Variants in NEK7 observed in about 807,000 individuals in gnomAD.
NEK7 encodes serine/threonine-protein kinase Nek7.
NEK7 carries 18 observed loss-of-function variants against 44.6 expected under a neutral mutation model. The ratio of observed to expected loss-of-function variants is 0.40; its 90% CI spans 0.28 to 0.60. The LOEUF is 0.60. Among genes scored for constraint, NEK7 ranks in the 20% least tolerant of loss-of-function variants. The pLI is 0.38. For missense variants in NEK7, 256 were observed against 366.5 expected (o/e 0.70, Z 2.46); for synonymous variants, 130 against 121.1 (o/e 1.07, Z -0.48).
intron 5 of NEK7, among the ~76,000 whole-genome samples, chr1:198,273,702 C>G (rs1653924918): frequency 6.6e-6 from 1 of 151,578 alleles, no homozygotes; most frequent in African/African-American, 2.4e-5. Context: ...ATTAAATGGA[C>G]CAATAGGGAT....
chr1:198,183,519 T>C (rs976527641), intron 1 of NEK7, among the ~76,000 whole-genome samples: 9 of 152,222 alleles, frequency 5.9e-5, no homozygotes, highest in Non-Finnish European at 1.0e-4. Context: ...TTATGCATGC[T>C]GACCCTCTAA....
chr1:198,279,053 A>G lies in NEK7; in HGVS notation c.581A>G (p.His194Arg). 6.3e-7 allele frequency: 1 copy of G among 1,595,308 alleles called. No homozygotes were observed. The highest frequency in any genetic ancestry group is 8.6e-7 in the Non-Finnish European group (1 of 1,163,600). ...TTCAGCTCAAAAACCACAGCTGCAC[A>G]TTCTTTAGGTAAGAGACACAATATA... ...RFFSSKTTAA[H>R]SLVGTPYYMS... Residue 194 changes from histidine (H) to arginine (R), a missense_variant, in exon 7 of 10, where the codon CAT (histidine) becomes CGT (arginine). Physicochemically the swap from His to Arg is conservative, Grantham distance 29. Transcript: ENST00000367385.
At position 198,293,058 on chromosome 1, in the gene NEK7, T is replaced by C; in HGVS notation, c.684+19T>C. 8.0e-7 allele frequency: 1 copy of C among 1,245,984 alleles called. No homozygotes were observed. The allele number at this position is 1,245,984 out of a possible 1,614,324, so 77.2% of individuals were successfully genotyped here. On this transcript the variant is annotated intron_variant, in intron 8 of 9. Transcript: ENST00000367385. ...ATATGAGGTAGGTAATGTTGATAAATTCCAAATATTGATGCAGTTTTACTT... is the reference window on the plus strand; with the variant it reads ...ATATGAGGTAGGTAATGTTGATAAACTCCAAATATTGATGCAGTTTTACTT...
chr1:198,262,685 G>A, intron 4 of NEK7, 48 bp downstream of exon 4: 1 of 1,135,812 alleles, frequency 8.8e-7, no homozygotes, highest in Admixed American at 2.2e-5. Context: ...GGTGATAAAA[G>A]TGATTTACTA....
intron 6 of NEK7, among the ~76,000 whole-genome samples, chr1:198,278,288 G>A (rs1654083375): frequency 6.6e-6 from 1 of 151,416 alleles, no homozygotes; most frequent in Non-Finnish European, 1.5e-5. Flanking sequence ...TTACTAACCA[G>A]TAAGATGCTG....
At chr1:198,166,154 T>C (rs1305896774) in intron 1 of NEK7, among the ~76,000 whole-genome samples, 5 of 152,256 alleles carry the variant, frequency 3.3e-5, no homozygotes, top group African/African-American at 1.2e-4. Flanking sequence ...ACTTTCTCTG[T>C]CTCAGCCGTA....
At chr1:198,237,244 A>G (rs1474499776) in intron 2 of NEK7, among the ~76,000 whole-genome samples, 1 of 151,972 alleles carries the variant, frequency 6.6e-6, no homozygotes, top group African/African-American at 2.4e-5. Context: ...CCTCTTTTCT[A>G]TCTATATCCC....
At chr1:198,295,770 G>T (rs7517410) in intron 8 of NEK7, among the ~76,000 whole-genome samples, 2 of 150,400 alleles carry the variant, frequency 1.3e-5, no homozygotes, top group East Asian at 3.9e-4. Flanking sequence ...TTTAAGGTAA[G>T]ATCTTAAAGT....
chr1:198,264,295 C>A, intron 5 of NEK7, 60 bp downstream of exon 5: 1 of 1,180,750 alleles, frequency 8.5e-7, no homozygotes, highest in Non-Finnish European at 1.2e-6. Context: ...ATAGAATTGT[C>A]TGTTAAACAC....
At chr1:198,306,859 A>G (rs1310834105) in intron 9 of NEK7, among the ~76,000 whole-genome samples, 2 of 152,174 alleles carry the variant, frequency 1.3e-5, no homozygotes, top group Non-Finnish European at 2.9e-5. Flanking sequence ...CTATTTAAGT[A>G]TATCTTTAGA....
chr1:198,214,278 A>G (rs1307698993), intron 1 of NEK7, among the ~76,000 whole-genome samples: 3 of 152,236 alleles, frequency 2.0e-5, no homozygotes, highest in African/African-American at 7.2e-5. Context: ...ATAGGGTTCT[A>G]TAACACCCCT....
intron 1 of NEK7, among the ~76,000 whole-genome samples, chr1:198,162,916 T>C (rs1310923288): frequency 1.3e-5 from 2 of 152,146 alleles, no homozygotes; most frequent in African/African-American, 4.8e-5. Context: ...TGCAAAAAGA[T>C]CTTTAAATAC....
intron 2 of NEK7, among the ~76,000 whole-genome samples, chr1:198,242,681 C>T (rs890590466): frequency 7.3e-5 from 11 of 151,724 alleles, no homozygotes; most frequent in African/African-American, 2.4e-4. Flanking sequence ...CCAGGATGGT[C>T]TCGATCTCCT....
chr1:198,251,711 C>T (rs1014155012), intron 2 of NEK7, among the ~76,000 whole-genome samples: 16 of 151,724 alleles, frequency 1.1e-4, no homozygotes, highest in African/African-American at 3.1e-4. Flanking sequence ...TCTGTGGGAT[C>T]GGTGGTGATA....
intron 1 of NEK7, among the ~76,000 whole-genome samples, chr1:198,159,949 C>G (rs778478011): frequency 3.9e-5 from 6 of 152,214 alleles, no homozygotes; most frequent in Non-Finnish European, 5.9e-5. Context: ...TGCCCCAAAT[C>G]TTTCCTGGTG....
chr1:198,317,888 T>TA (rs1655420681), intron 9 of NEK7, among the ~76,000 whole-genome samples: 1 of 144,296 alleles, frequency 6.9e-6, no homozygotes, highest in Non-Finnish European at 1.5e-5. Flanking sequence ...TTTTTTTTTT[T>TA]TTTTTTTTTT....
At chr1:198,210,437 G>A (rs1665728160) in intron 1 of NEK7, among the ~76,000 whole-genome samples, 2 of 152,058 alleles carry the variant, frequency 1.3e-5, no homozygotes, top group Admixed American at 1.3e-4. Context: ...TGTATTTGCT[G>A]TAATTTATTT....
chr1:198,253,001 T>C, intron 2 of NEK7, 39 bp from the exon 3 acceptor site: 1 of 1,569,726 alleles, frequency 6.4e-7, no homozygotes, highest in Non-Finnish European at 8.7e-7. Flanking sequence ...TGCGTGTATA[T>C]TGTGTGATTG....
At chr1:198,178,354 A>G (rs1276742221) in intron 1 of NEK7, among the ~76,000 whole-genome samples, 1 of 152,072 alleles carries the variant, frequency 6.6e-6, no homozygotes, top group Non-Finnish European at 1.5e-5. Flanking sequence ...TTAAATCGAA[A>G]TGAATAGGAA....
Sources: gnomAD v4.1 joint callset for allele counts (sites outside exome capture counted in the v4.1 genomes callset) on GRCh38, gnomAD v4.1.1 for gene constraint, MANE v1.5 for transcripts, NCBI Gene and HGNC (gene_info 2026-07-23, HGNC 2026-07-21) for gene names.